Variants in SLC5A4 observed in about 807,000 individuals in gnomAD.
SLC5A4 encodes the protein solute carrier family 5 member 4, also known as probable glucose sensor protein SLC5A4.
A neutral mutation model predicts 70.3 loss-of-function variants in SLC5A4; 55 were observed. The observed-to-expected ratio is 0.78, with a 90% CI of 0.63 to 0.98. SLC5A4 has a LOEUF of 0.98. Ranked by LOEUF, SLC5A4 falls within the 50% of genes least tolerant of loss-of-function variation. The pLI is 0.00. For missense variants in SLC5A4, 735 were observed against 839.2 expected, an observed-to-expected ratio of 0.88 and a Z score of 1.53; for synonymous variants, 268 against 305.7, an observed-to-expected ratio of 0.88 and a Z score of 1.29.
chr22:32,322,292 G>A, the SLC5A4 span, among the ~76,000 whole-genome samples: 1 of 152,200 alleles, frequency 6.6e-6, no homozygotes, highest in Non-Finnish European at 1.5e-5. Context: ...CCACATGGTA[G>A]AAATGGCCAG....
the SLC5A4 span, among the ~76,000 whole-genome samples, chr22:32,303,295 C>CA: frequency 6.6e-6 from 1 of 152,158 alleles, no homozygotes; most frequent in Non-Finnish European, 1.5e-5. Context: ...TGGGACAACT[C>CA]AAAGTGGGGT....
At chr22:32,258,179 G>A (rs1220126226), upstream of SLC5A4, among the ~76,000 whole-genome samples, 1 of 152,004 alleles carries the variant, frequency 6.6e-6, no homozygotes, top group Non-Finnish European at 1.5e-5. Context: ...AGTGGAGATG[G>A]GGTTGTGTCA....
chr22:32,331,111 G>A, the SLC5A4 span, among the ~76,000 whole-genome samples: 1 of 125,092 alleles, frequency 8.0e-6, no homozygotes, highest in Admixed American at 8.2e-5. Context: ...GGAGGCTCTT[G>A]TGTGTGTTCG....
the SLC5A4 span, among the ~76,000 whole-genome samples, chr22:32,352,077 C>T: frequency 6.6e-6 from 1 of 151,976 alleles, no homozygotes; most frequent in African/African-American, 2.4e-5. Context: ...CCATGGAATA[C>T]TACACAGCCA....
At chr22:32,231,942 G>A (rs1367562725) in intron 9 of SLC5A4, among the ~76,000 whole-genome samples, 2 of 151,844 alleles carry the variant, frequency 1.3e-5, no homozygotes, top group African/African-American at 4.8e-5. Flanking sequence ...GTGCAATGGT[G>A]CAATCATAGT....
intron 12 of SLC5A4, among the ~76,000 whole-genome samples, chr22:32,225,093 C>T (rs1472390862): frequency 6.6e-6 from 1 of 152,206 alleles, no homozygotes; most frequent in Non-Finnish European, 1.5e-5. Context: ...CCCTCTGCAC[C>T]TGTTCCTCAT....
chr22:32,239,570 T>TTATATATATATATTTA lies in SLC5A4; in HGVS notation c.478-481_478-480insTAAATATATATATATA, dbSNP rs1315288432. Among the ~76,000 whole-genome samples the TTATATATATATATTTA allele has an allele frequency of 2.9e-4, 3 of 10,422 alleles. 1 individual carries two copies. Among genetic ancestry groups the TTATATATATATATTTA allele is most frequent in the African/African-American group, 2.4e-3 (3 of 1,246 alleles). 6.8% of individuals were successfully genotyped at this position (10,422 alleles called of 152,430 possible). A position where few individuals can be genotyped will look rare whatever the true frequency, so the allele number is the denominator to read the frequency against. ...TATATATATATATATATATATATATTTATATATATATTTATATATATATAA... is the reference window on the plus strand; with the variant it reads ...TATATATATATATATATATATATATTTATATATATATATTTATATATATATATTTATATATATATAA... On this transcript the variant is annotated intron_variant, in intron 5 of 14. Coordinates refer to ENST00000266086, the MANE Select transcript of SLC5A4 (RefSeq NM_014227.3).
At chr22:32,328,550 C>T in the SLC5A4 span, among the ~76,000 whole-genome samples, 2 of 152,162 alleles carry the variant, frequency 1.3e-5, no homozygotes, top group Non-Finnish European at 2.9e-5. Flanking sequence ...CGCCAACCAA[C>T]ACGTGAACCT....
Position 32,220,961 on chromosome 22 carries a change from T to C in SLC5A4, c.1727A>G (p.Glu576Gly). Residue 576 changes from glutamate (E) to glycine (G), a missense_variant, in exon 14 of 15, where the codon GAA becomes GGA. Glu to Gly is a moderately conservative substitution (Grantham distance 98, BLOSUM62 -2). Transcript: ENST00000266086. ...ATCTGTTTCTTCCTGACTTTTCTCTTCTGCATCTATATCGATTCGCTCCTC... is the reference window on the plus strand; with the variant it reads ...ATCTGTTTCTTCCTGACTTTTCTCTCCTGCATCTATATCGATTCGCTCCTC... The part of the protein sequence containing the change: ...STEERIDIDA[E>G]EKSQEETDDG... The C allele has an allele frequency of 8.7e-6, 14 of 1,614,022 alleles. No homozygotes were observed. The highest frequency in any genetic ancestry group is 1.2e-5 in the Non-Finnish European group (14 of 1,179,854).
At chr22:32,311,513 T>C in the SLC5A4 span, among the ~76,000 whole-genome samples, 1 of 152,060 alleles carries the variant, frequency 6.6e-6, no homozygotes, top group Non-Finnish European at 1.5e-5. Flanking sequence ...GGAGTGGAGG[T>C]GATTAGCTCT....
At chr22:32,344,218 T>A in the SLC5A4 span, among the ~76,000 whole-genome samples, 1 of 152,126 alleles carries the variant, frequency 6.6e-6, no homozygotes, top group Non-Finnish European at 1.5e-5. Context: ...GGTTTAAAGG[T>A]CAAAAGAGAC....
In SLC5A4 at chr22:32,222,216, T is replaced by A. The variant is rs146638677; in HGVS notation, c.1666-1194A>T. ...TTTACCTTCTCACTAAGATTCCTAATCATGTCTTCATAAGCTCTTATTCAC... is the reference window on the plus strand; with the variant it reads ...TTTACCTTCTCACTAAGATTCCTAAACATGTCTTCATAAGCTCTTATTCAC... On this transcript the variant is annotated intron_variant, in intron 13 of 14. Coordinates refer to ENST00000266086, the MANE Select transcript of SLC5A4 (RefSeq NM_014227.3). Among the ~76,000 whole-genome samples the A allele has an allele frequency of 3.8e-4, 58 of 152,354 alleles. 1 individual carries two copies. In the East Asian group the frequency reaches 8.9e-3, roughly 23 times the overall value.
chr22:32,254,233 G>A lies in SLC5A4; in HGVS notation c.136-20C>T, dbSNP rs752000190. The A allele has an allele frequency of 2.1e-5, 34 of 1,602,468 alleles. No homozygotes were observed. Among genetic ancestry groups the A allele is most frequent in the African/African-American group, 2.7e-5 (2 of 74,582 alleles). On this transcript the variant is annotated intron_variant, in intron 1 of 14. Coordinates refer to ENST00000266086, the MANE Select transcript of SLC5A4 (RefSeq NM_014227.3). ...CATCGCCTGAGCAGAAGGGAAGACA[G>A]GTGAGGGTCAAGCCCCAGCAAGTGC...
chr22:32,228,477 G>A (rs945832594), intron 11 of SLC5A4, among the ~76,000 whole-genome samples: 26 of 152,034 alleles, frequency 1.7e-4, no homozygotes, highest in Admixed American at 6.5e-4. Context: ...GGGAGGCGGC[G>A]GTTCCAGTGA....
the SLC5A4 span, among the ~76,000 whole-genome samples, chr22:32,304,882 C>G: frequency 1.4e-5 from 2 of 146,976 alleles, no homozygotes; most frequent in African/African-American, 5.0e-5. Flanking sequence ...GGTCTATGAT[C>G]CATTTTGAGT....
At chr22:32,351,717 T>G in the SLC5A4 span, among the ~76,000 whole-genome samples, 45 of 8,838 alleles carry the variant, frequency 5.1e-3, no homozygotes, top group Admixed American at 8.3e-3. Flanking sequence ...GTGGGGGGCG[T>G]GGGGGGAGGG....
chr22:32,251,695 T>G, intron 3 of SLC5A4, 75 bp downstream of exon 3: 1 of 897,466 alleles, frequency 1.1e-6, no homozygotes, highest in Admixed American at 1.8e-5. Flanking sequence ...TGATATTCTG[T>G]CATAGCAGCA....
At chr22:32,243,599 A>T (rs897022993) in intron 5 of SLC5A4, among the ~76,000 whole-genome samples, 1 of 152,230 alleles carries the variant, frequency 6.6e-6, no homozygotes, top group Non-Finnish European at 1.5e-5. Flanking sequence ...CACAGTAAAG[A>T]CTGGATCAGG....
the SLC5A4 span, among the ~76,000 whole-genome samples, chr22:32,303,778 TG>T: frequency 6.6e-6 from 1 of 152,360 alleles, no homozygotes; most frequent in Non-Finnish European, 1.5e-5. Flanking sequence ...GTGCAGGTTT[TG>T]TGTGGCCATA....
Sources: gnomAD v4.1 joint callset for allele counts (sites outside exome capture counted in the v4.1 genomes callset) on GRCh38, gnomAD v4.1.1 for gene constraint, MANE v1.5 for transcripts, NCBI Gene and HGNC (gene_info 2026-07-23, HGNC 2026-07-21) for gene names.